Variants in EIF2A observed in about 807,000 individuals in gnomAD.
EIF2A encodes the protein 65 kDa eukaryotic translation initiation factor 2A.
A neutral mutation model predicts 75.2 loss-of-function variants in EIF2A; 62 were observed. The observed-to-expected ratio is 0.82, with a 90% CI of 0.67 to 1.02. The LOEUF (loss-of-function observed/expected upper bound fraction) is 1.02. Ranked by LOEUF, EIF2A falls within the 50% of genes least tolerant of loss-of-function variation. EIF2A has a pLI of 0.00. For synonymous variants in EIF2A, 207 were observed against 239.0 expected (o/e 0.87, Z 1.23); for missense variants, 611 against 677.7 (o/e 0.90, Z 1.09).
At chr3:150,557,263 A>G (rs1209291300) in intron 2 of EIF2A, among the ~76,000 whole-genome samples, 1 of 152,210 alleles carries the variant, frequency 6.6e-6, no homozygotes, top group African/African-American at 2.4e-5. Flanking sequence ...AGTAGGCTGA[A>G]ATGATAGGCC....
At chr3:150,577,167 G>A (rs1724918786) in intron 11 of EIF2A, among the ~76,000 whole-genome samples, 1 of 152,018 alleles carries the variant, frequency 6.6e-6, no homozygotes, top group Admixed American at 6.6e-5. Context: ...AGCTCTCTTT[G>A]GTCTCTTTTA....
At chr3:150,546,959 G>C (rs1357608567) in intron 1 of EIF2A, 129 bp downstream of exon 1, 14 of 1,302,680 alleles carry the variant, frequency 1.1e-5, no homozygotes, top group South Asian at 3.8e-5. Flanking sequence ...GGAAAGGCCA[G>C]ACTGTTGGCT....
At chr3:150,549,581 T>A (rs1284937980) in intron 1 of EIF2A, among the ~76,000 whole-genome samples, 1 of 152,206 alleles carries the variant, frequency 6.6e-6, no homozygotes, top group Non-Finnish European at 1.5e-5. Flanking sequence ...ATCTTTAAAC[T>A]GACATTCAAC....
chr3:150,568,368 C>A, intron 9 of EIF2A, 76 bp downstream of exon 9: 2 of 1,166,032 alleles, frequency 1.7e-6, no homozygotes, highest in Non-Finnish European at 2.4e-6. Flanking sequence ...ATGATATAAT[C>A]TAAATTCTTG....
intron 11 of EIF2A, among the ~76,000 whole-genome samples, chr3:150,576,914 G>A (rs1724903804): frequency 1.3e-5 from 2 of 152,188 alleles, no homozygotes; most frequent in Non-Finnish European, 2.9e-5. Flanking sequence ...TGGTGATAAT[G>A]TGATTGGCTG....
At chr3:150,567,838 A>G in intron 7 of EIF2A, 64 bp from the exon 8 acceptor site, 1 of 1,577,632 alleles carries the variant, frequency 6.3e-7, no homozygotes, top group Non-Finnish European at 8.6e-7. Flanking sequence ...GATTGTAAAA[A>G]CATGTCCATC....
intron 9 of EIF2A, among the ~76,000 whole-genome samples, chr3:150,569,382 T>C (rs1724372035): frequency 6.6e-6 from 1 of 151,996 alleles, no homozygotes; most frequent in Admixed American, 6.6e-5. Flanking sequence ...ATGTCATTTC[T>C]CTCTTGTCAG....
In EIF2A at chr3:150,555,615, G is replaced by A. The variant is rs185919835; in HGVS notation, c.99-2773G>A. ...TCTAGAAAACCCAGTCTGGCTGGGCGCGGTGGCTCATGCCTGTAATCCCAG... is the reference window on the plus strand; with the variant it reads ...TCTAGAAAACCCAGTCTGGCTGGGCACGGTGGCTCATGCCTGTAATCCCAG... On this transcript the variant is annotated intron_variant, in intron 2 of 13. Transcript: ENST00000460851. Among the ~76,000 whole-genome samples, 186 of 151,898 alleles carry A rather than the reference G, an allele frequency of 1.2e-3. 1 individual carries two copies. The highest frequency in any genetic ancestry group is 3.1e-3 in the South Asian group (15 of 4,812).
chr3:150,574,324 A>G (rs896414084), intron 10 of EIF2A, among the ~76,000 whole-genome samples: 3 of 152,180 alleles, frequency 2.0e-5, no homozygotes, highest in African/African-American at 7.2e-5. Context: ...TTTCGTCTCA[A>G]GTGAAAGGCT....
chr3:150,559,670 T>C (rs1723747597), intron 3 of EIF2A, among the ~76,000 whole-genome samples: 1 of 152,060 alleles, frequency 6.6e-6, no homozygotes, highest in Non-Finnish European at 1.5e-5. Flanking sequence ...TTTGTATTTT[T>C]AGTAGAGATG....
At chr3:150,547,100 A>G (rs1723074193) in intron 1 of EIF2A, 1 of 535,562 alleles carries the variant, frequency 1.9e-6, no homozygotes, top group South Asian at 2.2e-5. Flanking sequence ...GGGGGAGAAA[A>G]ACAATGTGCT....
chr3:150,573,418 A>T (rs1724660758), intron 10 of EIF2A, among the ~76,000 whole-genome samples: 1 of 151,964 alleles, frequency 6.6e-6, no homozygotes, highest in Non-Finnish European at 1.5e-5. Context: ...CGTCCAGCTA[A>T]TTTTTTTATT....
In EIF2A at chr3:150,552,390, A is replaced by G; in HGVS notation, c.63A>G (p.Gly21=). Residue 21 remains glycine, a synonymous_variant, in exon 2 of 14, where the codon GGA becomes GGG. Coordinates refer to ENST00000460851, the MANE Select transcript of EIF2A (RefSeq NM_032025.5). ...RGSEGLYMVN[G]PPHFTESTVF... ...CAGAAGGACTGTACATGGTGAATGG[A>G]CCACCACATTTTACAGAAAGCACAG... The G allele has an allele frequency of 6.4e-7, 1 of 1,553,444 alleles. No individual in the cohort carries two copies. The highest frequency in any genetic ancestry group is 8.7e-7 in the Non-Finnish European group (1 of 1,147,590).
chr3:150,553,229 A>G (rs569938609), intron 2 of EIF2A, among the ~76,000 whole-genome samples: 1 of 151,636 alleles, frequency 6.6e-6, no homozygotes, highest in South Asian at 2.1e-4. Context: ...AGGCTGATGC[A>G]GCAGAATCGC....
At chr3:150,581,857 G>A in intron 12 of EIF2A, 111 bp downstream of exon 12, 9 of 1,278,666 alleles carry the variant, frequency 7.0e-6, no homozygotes, top group Non-Finnish European at 9.6e-6. Context: ...GGTATCAGCA[G>A]TTCTCATTGT....
At position 150,562,658 on chromosome 3, in the gene EIF2A, C is replaced by G. The variant is rs1132979; in HGVS notation, c.290C>G (p.Thr97Ser). 568,020 of 1,607,300 alleles carry G rather than the reference C, an allele frequency of 0.35. 103,553 individuals are homozygous for G. The highest frequency in any genetic ancestry group is 0.55 in the East Asian group (24,463 of 44,714). ...NTVLATWQPY[T>S]TSKDGTAGIP... ...GTCCTGGCAACGTGGCAGCCTTACA[C>G]TAGTAAGTATTTTCTCAGTGTAAAA... The change falls in exon 4 of 14, where the codon ACT becomes AGT. Residue 97 changes from threonine to serine, a missense_variant and splice_region_variant. By Grantham distance (58) the Thr-to-Ser change is moderately conservative. Transcript: ENST00000460851.
intron 10 of EIF2A, among the ~76,000 whole-genome samples, chr3:150,573,485 T>C (rs1002485626): frequency 1.3e-5 from 2 of 152,156 alleles, no homozygotes; most frequent in African/African-American, 4.8e-5. Context: ...CTCCCGACCT[T>C]AGGTGATCCA....
intron 11 of EIF2A, among the ~76,000 whole-genome samples, chr3:150,579,989 A>G (rs201539825): frequency 6.8e-6 from 1 of 147,752 alleles, no homozygotes; most frequent in Admixed American, 6.9e-5. Flanking sequence ...CAAAATATAT[A>G]TCTTGTCATA....
chr3:150,559,142 A>G (rs80004699), intron 3 of EIF2A, among the ~76,000 whole-genome samples: 2 of 152,202 alleles, frequency 1.3e-5, no homozygotes, highest in Non-Finnish European at 2.9e-5. Context: ...AGGTTTTTCA[A>G]AGGGGAGAAA....
Sources: gnomAD v4.1 joint callset for allele counts (sites outside exome capture counted in the v4.1 genomes callset) on GRCh38, gnomAD v4.1.1 for gene constraint, MANE v1.5 for transcripts, NCBI Gene and HGNC (gene_info 2026-07-23, HGNC 2026-07-21) for gene names.